Variants in CYB5RL observed in about 807,000 individuals in gnomAD.
CYB5RL encodes the protein NADH-cytochrome b5 reductase-like.
In CYB5RL, 38 loss-of-function variants were observed where a neutral mutation model predicts 37.5. That is an observed-to-expected ratio of 1.01 (90% CI 0.78 to 1.33). CYB5RL has a LOEUF of 1.33. CYB5RL is among the 40% of genes most tolerant of loss of function. The pLI is 0.00. For synonymous variants in CYB5RL, 141 were observed against 151.9 expected (o/e 0.93, Z 0.53); for missense variants, 388 against 394.4 (o/e 0.98, Z 0.14).
chr1:54,178,369 C>A (rs1005070386), intron 7 of CYB5RL, among the ~76,000 whole-genome samples: 1 of 152,182 alleles, frequency 6.6e-6, no homozygotes, highest in Non-Finnish European at 1.5e-5. Flanking sequence ...CAGCAGGAAT[C>A]CCAACCCAGA....
intron 3 of CYB5RL, among the ~76,000 whole-genome samples, chr1:54,193,999 T>TGCC (rs1643980991): frequency 1.4e-5 from 2 of 143,780 alleles, no homozygotes; most frequent in Non-Finnish European, 3.0e-5. Context: ...AGTGAGACTC[T>TGCC]TCCTCAATAA....
chr1:54,183,299 T>C (rs1258056105), intron 6 of CYB5RL, among the ~76,000 whole-genome samples: 1 of 152,206 alleles, frequency 6.6e-6, no homozygotes, highest in Non-Finnish European at 1.5e-5. Context: ...GCAATGAACA[T>C]ACGCAGAAGA....
At chr1:54,194,008 AATAATAATAATAATAATAATG>A (rs1365973960) in intron 3 of CYB5RL, among the ~76,000 whole-genome samples, 2 of 142,090 alleles carry the variant, frequency 1.4e-5, no homozygotes, top group Non-Finnish European at 3.0e-5. Context: ...CTTCCTCAAT[AATAATAATAATAATAATAATG>A]ATAATAATAA....
chr1:54,197,917 A>G (rs902069627), intron 1 of CYB5RL, among the ~76,000 whole-genome samples: 1 of 150,526 alleles, frequency 6.6e-6, no homozygotes, highest in African/African-American at 2.5e-5. Flanking sequence ...AGTCCCAGCT[A>G]CTCGGGAGGC....
At chr1:54,196,513 A>G (rs1419803299) in intron 1 of CYB5RL, 22 bp from the exon 2 acceptor site, 1 of 152,192 alleles carries the variant, frequency 6.6e-6, no homozygotes, top group African/African-American at 2.4e-5. Context: ...TAAATGATAA[A>G]GTAAAATATA....
intron 7 of CYB5RL, among the ~76,000 whole-genome samples, chr1:54,178,850 C>T (rs894735789): frequency 2.0e-5 from 3 of 152,208 alleles, no homozygotes; most frequent in Admixed American, 6.5e-5. Context: ...CGATGGGAGG[C>T]AGTAACGCAT....
At position 54,200,005 on chromosome 1, in the gene CYB5RL, G is replaced by T. The variant is rs192472413; in HGVS notation, c.-252C>A. On this transcript the variant is annotated 5_prime_UTR_variant, in exon 1 of 8. Transcript: ENST00000534324. Reference sequence around the variant, plus strand: ...TCGCCTGCGCTTCACCTCACGTGAGGATTTTCCAGGTTCCTCCCAGTCTCT... The same window carrying T: ...TCGCCTGCGCTTCACCTCACGTGAGTATTTTCCAGGTTCCTCCCAGTCTCT... 1.8e-6 allele frequency: 1 copy of T among 541,606 alleles called. No homozygotes were observed. The highest frequency in any genetic ancestry group is 1.9e-5 in the African/African-American group (1 of 52,060). 33.6% of individuals were successfully genotyped at this position (541,606 alleles called of 1,614,324 possible).
intron 6 of CYB5RL, among the ~76,000 whole-genome samples, chr1:54,181,054 G>A (rs1660147935): frequency 6.6e-6 from 1 of 152,130 alleles, no homozygotes; most frequent in Non-Finnish European, 1.5e-5. Context: ...AAACTGCCTG[G>A]TGCAGATCCA....
At chr1:54,189,189 TATAA>T (rs10624673) in intron 4 of CYB5RL, among the ~76,000 whole-genome samples, 6 of 150,342 alleles carry the variant, frequency 4.0e-5, no homozygotes, top group African/African-American at 1.5e-4. Context: ...TCTCAAAAAA[TATAA>T]ATAAATAAAT....
At chr1:54,181,615 C>A (rs781373563) in intron 6 of CYB5RL, among the ~76,000 whole-genome samples, 4 of 152,264 alleles carry the variant, frequency 2.6e-5, no homozygotes, top group Middle Eastern at 3.4e-3. Flanking sequence ...TGTGAGACAC[C>A]ATTTCTTTTT....
Position 54,190,750 on chromosome 1 carries a change from T to C in CYB5RL, c.345A>G (p.Leu115=). ...LGLRPGQHLI[L]RGIVDDLEIQ... Reference sequence around the variant, plus strand: ...GTCCTCCCGCTACCTGAGTGTACCGTAGGATGAGGTGCTGGCCGGGCCGCA... The same window carrying C: ...GTCCTCCCGCTACCTGAGTGTACCGCAGGATGAGGTGCTGGCCGGGCCGCA... Residue 115 remains leucine (L), a splice_region_variant and synonymous_variant, in exon 4 of 8, where the codon CTA becomes CTG. Transcript: ENST00000534324. 1.3e-6 allele frequency: 2 copies of C among 1,552,706 alleles called. No homozygotes were observed. The highest frequency in any genetic ancestry group is 1.7e-6 in the Non-Finnish European group (2 of 1,147,562).
In CYB5RL at chr1:54,174,094, T is replaced by C. The variant is rs1239389415; in HGVS notation, c.*525A>G. 3.0e-5 allele frequency: 5 copies of C among 168,496 alleles called. No homozygotes were observed. The highest frequency in any genetic ancestry group is 5.3e-5 in the Non-Finnish European group (4 of 75,654). The allele number at this position is 168,496 out of a possible 1,614,324, so 10.4% of individuals were successfully genotyped here. A position where few individuals can be genotyped will look rare whatever the true frequency, so the allele number is the denominator to read the frequency against. ...TTGCTCTCAGGATGTGGTCAAGTCA[T>C]AGAACCCAAGACCTTCATGTGTCAG... On this transcript the variant is annotated 3_prime_UTR_variant, in exon 8 of 8. Transcript: ENST00000534324.
In CYB5RL at chr1:54,170,031, G is replaced by A. The variant is rs1230899865; in HGVS notation, c.*4588C>T. 1 of 152,214 alleles carries A rather than the reference G, an allele frequency of 6.6e-6. No individual in the cohort carries two copies. The highest frequency in any genetic ancestry group is 1.5e-5 in the Non-Finnish European group (1 of 68,036). The allele number at this position is 152,214 out of a possible 1,614,324, so 9.4% of individuals were successfully genotyped here. A position where few individuals can be genotyped will look rare whatever the true frequency, so the allele number is the denominator to read the frequency against. ...GACTTCGTCTATATTGGTACATGCG[G>A]ATGGAGTTCACTTTAATTGCTGTAT... is the stretch of plus-strand genomic sequence containing the variant. On this transcript the variant is annotated 3_prime_UTR_variant, in exon 8 of 8. Coordinates refer to ENST00000534324, the MANE Select transcript of CYB5RL (RefSeq NM_001031672.4).
At chr1:54,177,291 G>C (rs1557718076) in intron 7 of CYB5RL, among the ~76,000 whole-genome samples, 1 of 152,152 alleles carries the variant, frequency 6.6e-6, no homozygotes, top group Non-Finnish European at 1.5e-5. Flanking sequence ...TGAGTCAAGA[G>C]AGTGTGTACA....
chr1:54,179,154 T>TGA lies in CYB5RL; in HGVS notation c.737_738dup (p.Gln248AlafsTer26), dbSNP rs779296229. On this transcript the variant is annotated frameshift_variant, in exon 7 of 8. Transcript: ENST00000534324. LOFTEE classifies it high-confidence loss of function. ...AGTCACCACCCTGGGCTCACCTGGC[T>TGA]GAGTACAAAGAAGGTACGGACATTC... 4.3e-6 allele frequency: 7 copies of TGA among 1,612,200 alleles called. No homozygotes were observed. The highest frequency in any genetic ancestry group is 1.3e-5 in the African/African-American group (1 of 74,918).
Position 54,190,792 on chromosome 1 carries a change from C to T in CYB5RL, c.303G>A (p.Gly101=), listed in dbSNP as rs1036973568. The change falls in exon 4 of 8, where the codon GGG becomes GGA. Residue 101 remains glycine, a synonymous_variant. Coordinates refer to ENST00000534324, the MANE Select transcript of CYB5RL (RefSeq NM_001031672.4). ...DTYRVRFALP[G]NSQLGLRPGQ... Reference sequence around the variant, plus strand: ...CGGGCCGCAGGCCAAGCTGGCTGTTCCCGGGTAGAGCAAACCGGACACGGT... The same window carrying T: ...CGGGCCGCAGGCCAAGCTGGCTGTTTCCGGGTAGAGCAAACCGGACACGGT... 2 of 1,568,624 alleles carry T rather than the reference C, an allele frequency of 1.3e-6. No homozygotes were observed. The highest frequency in any genetic ancestry group is 1.7e-6 in the Non-Finnish European group (2 of 1,157,108).
intron 1 of CYB5RL, among the ~76,000 whole-genome samples, chr1:54,198,451 G>C (rs1246174696): frequency 4.0e-5 from 6 of 150,986 alleles, no homozygotes; most frequent in African/African-American, 1.5e-4. Flanking sequence ...TCTTGCCTCA[G>C]CCTCCCGAGT....
At chr1:54,183,586 G>A (rs773522019) in intron 6 of CYB5RL, among the ~76,000 whole-genome samples, 2 of 152,208 alleles carry the variant, frequency 1.3e-5, no homozygotes, top group Non-Finnish European at 2.9e-5. Flanking sequence ...GGGTCAGAGG[G>A]CATAAGGGCT....
intron 7 of CYB5RL, among the ~76,000 whole-genome samples, chr1:54,178,461 G>A (rs1460064359): frequency 6.6e-6 from 1 of 152,168 alleles, no homozygotes; most frequent in Admixed American, 6.5e-5. Flanking sequence ...TTGAGATGAG[G>A]GGCAGACAAT....
Sources: allele counts gnomAD v4.1 joint callset (sites outside exome capture counted in the v4.1 genomes callset), GRCh38; gene constraint gnomAD v4.1.1; transcripts MANE v1.5; gene names NCBI Gene and HGNC (gene_info 2026-07-23, HGNC 2026-07-21).